The following ACTN4 variants were observed in gnomAD, a reference collection of about 807,000 sequenced individuals.
ACTN4 encodes the protein alpha-actinin-4.
In ACTN4, 18 loss-of-function variants were observed where a neutral mutation model predicts 114.2. That is an observed-to-expected ratio of 0.16 (90% CI 0.11 to 0.23). ACTN4 has a LOEUF of 0.23. ACTN4 is among the 10% of genes least tolerant of loss of function. The pLI is 1.00. For missense variants in ACTN4, 722 were observed against 1,262.9 expected, an observed-to-expected ratio of 0.57 and a Z score of 6.49; for synonymous variants, 515 against 506.3, an observed-to-expected ratio of 1.02 and a Z score of -0.23.
intron 1 of ACTN4, among the ~76,000 whole-genome samples, chr19:38,687,892 A>G (rs1599799969): frequency 6.6e-6 from 1 of 152,246 alleles, no homozygotes; most frequent in Non-Finnish European, 1.5e-5. Flanking sequence ...TCCAAAATGT[A>G]TAAAGGACTC....
rs1443416701 is a variant in ACTN4 at position 38,700,969 on chromosome 19, T to G, written c.278-33T>G. On this transcript the variant is annotated intron_variant, in intron 2 of 20. Coordinates refer to ENST00000252699, the MANE Select transcript of ACTN4 (RefSeq NM_004924.6). ...CTCTCTCCCTTTCTCTCTCTCTGTC[T>G]CGCCCCCTCTTTTCTCTTTGTGCAC... The G allele has an allele frequency of 2.5e-6, 4 of 1,610,898 alleles. No individual in the cohort carries two copies. In the African/African-American group the frequency reaches 5.3e-5, roughly 22 times the overall value.
intron 1 of ACTN4, among the ~76,000 whole-genome samples, chr19:38,665,101 C>T (rs1966913857): frequency 6.6e-6 from 1 of 152,126 alleles, no homozygotes; most frequent in African/African-American, 2.4e-5. Context: ...GCTAGCTGCA[C>T]CCCGGGAGGG....
chr19:38,673,662 T>TTTATATAC (rs1568690528), intron 1 of ACTN4, among the ~76,000 whole-genome samples: 12 of 15,548 alleles, frequency 7.7e-4, no homozygotes, highest in Non-Finnish European at 2.4e-3. Flanking sequence ...TATTTATATA[T>TTTATATAC]ATTATATATA....
chr19:38,723,706 G>C lies in ACTN4; in HGVS notation c.1535G>C (p.Arg512Pro). The change falls in exon 13 of 21, where the codon CGC becomes CCC. Residue 512 changes from arginine (R) to proline (P), a missense_variant. Arg to Pro is a moderately radical substitution (Grantham distance 103). Around this residue, in one of 3 missense-constraint regions of ACTN4, gnomAD observed 523 missense variants for 875.9 expected, o/e 0.60. Coordinates refer to ENST00000252699, the MANE Select transcript of ACTN4 (RefSeq NM_004924.6). Reference sequence around the variant, plus strand: ...GCCCTCGGCTCTCTGACACATAGTCGCAGGGAAGCCCTGGAGGTGAGGAGG... The same window carrying C: ...GCCCTCGGCTCTCTGACACATAGTCCCAGGGAAGCCCTGGAGGTGAGGAGG... Reference protein sequence around the residue: ...WDALGSLTHSRREALEKTEKQ... With the variant: ...WDALGSLTHSPREALEKTEKQ... The C allele has an allele frequency of 6.2e-7, 1 of 1,611,100 alleles. No individual in the cohort carries two copies. Among genetic ancestry groups the C allele is most frequent in the Non-Finnish European group, 8.5e-7 (1 of 1,178,538 alleles).
intron 8 of ACTN4, chr19:38,711,341 G>A (rs758186890): frequency 1.2e-5 from 13 of 1,042,514 alleles, no homozygotes; most frequent in East Asian, 1.6e-4. Context: ...CTTCTACCAC[G>A]CTTTCTCGGG....
intron 9 of ACTN4, 116 bp from the exon 10 acceptor site, chr19:38,716,952 GCTGGGGAGCAGGGGTAAC>G: frequency 1.0e-6 from 1 of 978,848 alleles, no homozygotes; most frequent in Non-Finnish European, 1.6e-6. Context: ...GAGAAGTTGG[GCTGGGGAGCAGGGGTAAC>G]CCCCTAAGGT....
chr19:38,677,171 C>A (rs1001013135), intron 1 of ACTN4, among the ~76,000 whole-genome samples: 2 of 152,058 alleles, frequency 1.3e-5, no homozygotes, highest in Admixed American at 1.3e-4. Flanking sequence ...CACCTGACAC[C>A]TCCAGCCTAG....
intron 8 of ACTN4, among the ~76,000 whole-genome samples, chr19:38,712,492 C>T (rs1328913045): frequency 6.6e-6 from 1 of 152,186 alleles, no homozygotes; most frequent in African/African-American, 2.4e-5. Context: ...GGCACGGCAG[C>T]TGCCATTTAG....
rs547082558 is a variant in ACTN4, at chr19:38,731,210, G to A, written c.*1778G>A. On this transcript the variant is annotated 3_prime_UTR_variant, in exon 21 of 21. Transcript: ENST00000252699. ...TGGTGAGGGTCTGGGTCAGCTGGTT[G>A]TTCAGGTGGAAGCCTAGGGGGAGGC... 3 of 1,612,710 alleles carry A rather than the reference G, an allele frequency of 1.9e-6. No individual in the cohort carries two copies. In the South Asian group the frequency reaches 3.3e-5, roughly 18 times the overall value.
intron 8 of ACTN4, among the ~76,000 whole-genome samples, chr19:38,711,688 G>A (rs545250566): frequency 4.6e-5 from 7 of 152,320 alleles, no homozygotes; most frequent in African/African-American, 1.2e-4. Context: ...TTGACTGCCC[G>A]GCGTTCCCAC....
rs974574445 is a variant in ACTN4 at position 38,729,587 on chromosome 19, CCT to C, written c.*164_*165del. On this transcript the variant is annotated 3_prime_UTR_variant, in exon 21 of 21. Coordinates refer to ENST00000252699, the MANE Select transcript of ACTN4 (RefSeq NM_004924.6). ...AGGGAGGGGCTGGGGCAGGCTCTCT[CCT>C]CTCTCTCTTTGTGGGTTGGCCAGGA... The C allele has an allele frequency of 7.5e-6, 8 of 1,067,320 alleles. No individual in the cohort carries two copies. The highest frequency in any genetic ancestry group is 2.0e-5 in the Admixed American group (1 of 50,142). 66.1% of individuals were successfully genotyped at this position (1,067,320 alleles called of 1,614,324 possible). A position where few individuals can be genotyped will look rare whatever the true frequency, so the allele number is the denominator to read the frequency against.
At chr19:38,726,691 CCAAA>C (rs1226351835) in intron 17 of ACTN4, among the ~76,000 whole-genome samples, 1 of 152,230 alleles carries the variant, frequency 6.6e-6, no homozygotes, top group African/African-American at 2.4e-5. Flanking sequence ...CAGAGTTTGT[CCAAA>C]CAGTCTCCAC....
intron 1 of ACTN4, among the ~76,000 whole-genome samples, chr19:38,673,485 ATTC>A (rs1193358241): frequency 1.2e-5 from 1 of 84,530 alleles, no homozygotes; most frequent in Non-Finnish European, 2.5e-5. Flanking sequence ...TTATATATAT[ATTC>A]ATATATATTT....
intron 1 of ACTN4, among the ~76,000 whole-genome samples, chr19:38,695,661 T>G (rs986404384): frequency 1.3e-5 from 2 of 152,106 alleles, no homozygotes; most frequent in African/African-American, 4.8e-5. Context: ...CTTTACTCCC[T>G]TCCTTCTCGG....
At position 38,718,203 on chromosome 19, in the gene ACTN4, G is replaced by C. The variant is rs2145066669; in HGVS notation, c.1291+129G>C. 2.0e-6 allele frequency: 3 copies of C among 1,465,998 alleles called. No individual in the cohort carries two copies. The South Asian group carries it at 3.7e-5, about 18-fold the overall frequency. 90.8% of individuals were successfully genotyped at this position (1,465,998 alleles called of 1,614,324 possible). On this transcript the variant is annotated intron_variant, in intron 11 of 20. Transcript: ENST00000252699. ...GTCTGTTTCTCAGGTGCCCTTTCTTGCTGCTTGGGAGCATGTGTGTGTGTC... is the reference window on the plus strand; with the variant it reads ...GTCTGTTTCTCAGGTGCCCTTTCTTCCTGCTTGGGAGCATGTGTGTGTGTC...
At chr19:38,662,398 C>T (rs116415389) in intron 1 of ACTN4, among the ~76,000 whole-genome samples, 2,151 of 152,282 alleles carry the variant, frequency 0.014, 57 homozygotes, top group African/African-American at 0.047. Context: ...CAACAAAAAT[C>T]GCCCCGTGGG....
intron 5 of ACTN4, among the ~76,000 whole-genome samples, chr19:38,707,000 C>T (rs570990140): frequency 8.5e-5 from 13 of 152,302 alleles, no homozygotes; most frequent in South Asian, 6.2e-4. Context: ...AGGTCAGATC[C>T]GGTTTGCCTT....
At chr19:38,673,498 T>A (rs375382684) in intron 1 of ACTN4, among the ~76,000 whole-genome samples, 2 of 57,940 alleles carry the variant, frequency 3.5e-5, no homozygotes, top group Non-Finnish European at 9.6e-5. Flanking sequence ...CATATATATT[T>A]ATATATATGA....
At chr19:38,655,382 CAG>C (rs1350976080) in intron 1 of ACTN4, among the ~76,000 whole-genome samples, 5 of 152,122 alleles carry the variant, frequency 3.3e-5, no homozygotes, top group African/African-American at 1.2e-4. Flanking sequence ...CAGCACCAAG[CAG>C]AGACTTTCTC....
Sources: allele counts gnomAD v4.1 joint callset (sites outside exome capture counted in the v4.1 genomes callset), GRCh38; gene constraint gnomAD v4.1.1; regional missense constraint gnomAD v4.1.1; transcripts MANE v1.5; gene names NCBI Gene and HGNC (gene_info 2026-07-23, HGNC 2026-07-21).